SCP2: variants seen among roughly 807,000 people sequenced by gnomAD.
The protein encoded by SCP2 is sterol carrier protein 2, also known as SCP-2/3-oxoacyl-CoA thiolase.
A neutral mutation model predicts 71.4 loss-of-function variants in SCP2; 48 were observed. That is an observed-to-expected ratio of 0.67 (90% CI 0.53 to 0.86). The LOEUF (loss-of-function observed/expected upper bound fraction) is 0.86. Among genes scored for constraint, SCP2 ranks in the 40% least tolerant of loss-of-function variants. SCP2 has a pLI of 0.00. For synonymous variants in SCP2, 220 were observed against 218.1 expected (o/e 1.01, Z -0.08); for missense variants, 560 against 655.6 (o/e 0.85, Z 1.59).
In SCP2 at chr1:53,050,554, C is replaced by T. The variant is rs1664137997; in HGVS notation, c.1549-55C>T. Reference sequence around the variant, plus strand: ...TCAGGGCTAGATAGTGTAGAAACATCAGCAATCTTAAAACAAAAAAACACC... The same window carrying T: ...TCAGGGCTAGATAGTGTAGAAACATTAGCAATCTTAAAACAAAAAAACACC... On this transcript the variant is annotated intron_variant, in intron 15 of 15. Coordinates refer to ENST00000371514, the MANE Select transcript of SCP2 (RefSeq NM_002979.5). 4 of 1,098,182 alleles carry T rather than the reference C, an allele frequency of 3.6e-6. No homozygotes were observed. In the South Asian group the frequency reaches 5.0e-5, roughly 14 times the overall value. 68.0% of individuals were successfully genotyped at this position (1,098,182 alleles called of 1,614,324 possible). A position where few individuals can be genotyped will look rare whatever the true frequency, so the allele number is the denominator to read the frequency against.
intron 1 of SCP2, among the ~76,000 whole-genome samples, chr1:52,932,604 T>C (rs1032762272): frequency 6.6e-6 from 1 of 152,214 alleles, no homozygotes; most frequent in Non-Finnish European, 1.5e-5. Context: ...TGGAATATGT[T>C]CTGGATGGGT....
intron 13 of SCP2, 103 bp downstream of exon 13, chr1:53,028,174 C>G: frequency 1.4e-6 from 1 of 695,214 alleles, no homozygotes; most frequent in Non-Finnish European, 2.7e-6. Context: ...AAATTTATAT[C>G]ATGTTGTCAA....
intron 11 of SCP2, among the ~76,000 whole-genome samples, chr1:53,012,375 A>G (rs1661042400): frequency 6.6e-6 from 1 of 152,378 alleles, no homozygotes. Context: ...CATAAAATGG[A>G]CAACTTCCCC....
At chr1:52,948,660 G>C (rs997208281) in intron 3 of SCP2, among the ~76,000 whole-genome samples, 4 of 145,488 alleles carry the variant, frequency 2.7e-5, no homozygotes, top group Admixed American at 1.4e-4. Flanking sequence ...CTGTTTCATT[G>C]AATAAATGTA....
rs886148386 is a variant in SCP2, at chr1:53,008,425, T to A, written c.1082-6465T>A. 4.6e-5 allele frequency among the ~76,000 whole-genome samples: 7 copies of A among 152,172 alleles called. 1 individual carries two copies. The highest frequency in any genetic ancestry group is 6.5e-5 in the Admixed American group (1 of 15,272). On this transcript the variant is annotated intron_variant, in intron 11 of 15. Coordinates refer to ENST00000371514, the MANE Select transcript of SCP2 (RefSeq NM_002979.5). ...ATCCAGCAACACATCAAAAAGCTTATCCACCACGATCAAGTTGGCTTCATC... is the reference window on the plus strand; with the variant it reads ...ATCCAGCAACACATCAAAAAGCTTAACCACCACGATCAAGTTGGCTTCATC...
chr1:52,927,759 T>C (rs1239888744), intron 1 of SCP2, among the ~76,000 whole-genome samples: 1 of 152,102 alleles, frequency 6.6e-6, no homozygotes, highest in East Asian at 1.9e-4. Flanking sequence ...GTGTGTGGGC[T>C]GGCTTGCCCC....
At chr1:52,949,840 A>T (rs574875148) in intron 3 of SCP2, among the ~76,000 whole-genome samples, 4 of 152,372 alleles carry the variant, frequency 2.6e-5, no homozygotes, top group South Asian at 2.1e-4. Context: ...GCTAGCAGAT[A>T]TTTAAGAATG....
intron 1 of SCP2, among the ~76,000 whole-genome samples, chr1:52,941,423 A>G (rs1311390359): frequency 6.6e-6 from 1 of 152,146 alleles, no homozygotes; most frequent in East Asian, 1.9e-4. Context: ...GAATGAATAG[A>G]TTTTTATTGT....
intron 12 of SCP2, among the ~76,000 whole-genome samples, chr1:53,022,877 C>A (rs1477674533): frequency 6.6e-6 from 1 of 152,048 alleles, no homozygotes; most frequent in Non-Finnish European, 1.5e-5. Flanking sequence ...GGAGGGAATT[C>A]ATATGCTGAG....
chr1:53,027,973 T>A lies in SCP2; in HGVS notation c.1240T>A (p.Phe414Ile). Residue 414 changes from phenylalanine (F) to isoleucine (I), a missense_variant, in exon 13 of 16, where the codon TTT (phenylalanine) becomes ATT (isoleucine). Coordinates refer to ENST00000371514, the MANE Select transcript of SCP2 (RefSeq NM_002979.5). The part of the protein sequence containing the change: ...KMGFPEAASS[F>I]RTHQIEAVPT... ...GAAACAGTTTCTTTTCCCCAGTTCT[T>A]TTAGAACTCATCAAATTGAAGCTGT... 1.9e-6 allele frequency: 3 copies of A among 1,578,856 alleles called. No homozygotes were observed. Among genetic ancestry groups the A allele is most frequent in the Non-Finnish European group, 2.6e-6 (3 of 1,148,050 alleles).
intron 11 of SCP2, 150 bp downstream of exon 11, chr1:52,988,286 C>T (rs1445498588): frequency 1.1e-5 from 7 of 639,248 alleles, no homozygotes; most frequent in Non-Finnish European, 1.7e-5. Context: ...TTTTGATGTT[C>T]CATTAAGTAG....
intron 6 of SCP2, among the ~76,000 whole-genome samples, chr1:52,961,912 T>C (rs188972419): frequency 1.2e-3 from 186 of 152,180 alleles, no homozygotes; most frequent in Non-Finnish European, 1.4e-3. Flanking sequence ...TATAAATTAT[T>C]TTTTTCCAAG....
At chr1:52,934,477 C>G in intron 1 of SCP2, among the ~76,000 whole-genome samples, 1 of 150,402 alleles carries the variant, frequency 6.6e-6, no homozygotes, top group Middle Eastern at 3.5e-3. Flanking sequence ...ATAATCCACT[C>G]ATTTATGGAT....
intron 14 of SCP2, among the ~76,000 whole-genome samples, chr1:53,040,704 G>C (rs544380807): frequency 1.3e-5 from 2 of 152,216 alleles, no homozygotes; most frequent in Admixed American, 1.3e-4. Flanking sequence ...CTGGGCGACA[G>C]AGCGAGACTC....
In SCP2 at chr1:52,987,975, C is replaced by A. The variant is rs975530185; in HGVS notation, c.974-54C>A. On this transcript the variant is annotated intron_variant, in intron 10 of 15. Transcript: ENST00000371514. Reference sequence around the variant, plus strand: ...ATATGGAAATCTTATAAAAGCATATCATTTGTTCTATTGTTACTATTAATA... The same window carrying A: ...ATATGGAAATCTTATAAAAGCATATAATTTGTTCTATTGTTACTATTAATA... The A allele has an allele frequency of 8.1e-5, 75 of 922,932 alleles. No individual in the cohort carries two copies. In the Admixed American group the frequency reaches 1.3e-3, roughly 16 times the overall value. 57.2% of individuals were successfully genotyped at this position (922,932 alleles called of 1,614,324 possible).
rs973431386 is a variant in SCP2, at chr1:52,967,363, A to G, written c.523+5734A>G. On this transcript the variant is annotated intron_variant, in intron 6 of 15. Coordinates refer to ENST00000371514, the MANE Select transcript of SCP2 (RefSeq NM_002979.5). ...TTAATGTTTAAACATTCTATATCCA[A>G]TGGGGCCAATTTTGGTAGTCTGTAG... 7.2e-5 allele frequency among the ~76,000 whole-genome samples: 11 copies of G among 151,892 alleles called. 1 individual carries two copies. In the South Asian group the frequency reaches 2.1e-3, roughly 29 times the overall value.
intron 14 of SCP2, among the ~76,000 whole-genome samples, chr1:53,045,727 A>G (rs1663760861): frequency 2.0e-5 from 3 of 152,218 alleles, no homozygotes; most frequent in Admixed American, 2.0e-4. Context: ...AATAAACAAT[A>G]AAATCAACCC....
At chr1:52,974,626 A>G in intron 6 of SCP2, 143 bp from the exon 7 acceptor site, 1 of 670,238 alleles carries the variant, frequency 1.5e-6, no homozygotes, top group Middle Eastern at 2.6e-4. Context: ...TTGAGGGAAC[A>G]GTGCTGAAGT....
chr1:53,010,795 T>C (rs888965917), intron 11 of SCP2, among the ~76,000 whole-genome samples: 8 of 152,104 alleles, frequency 5.3e-5, no homozygotes, highest in Non-Finnish European at 8.8e-5. Context: ...AAAGGTACTT[T>C]GTAGTATTCT....
Sources: allele counts gnomAD v4.1 joint callset (sites outside exome capture counted in the v4.1 genomes callset), GRCh38; gene constraint gnomAD v4.1.1; transcripts MANE v1.5; gene names NCBI Gene and HGNC (gene_info 2026-07-23, HGNC 2026-07-21).